Variants in KCNN3 observed in about 807,000 individuals in gnomAD.
The protein encoded by KCNN3 is potassium calcium-activated channel subfamily N member 3.
A neutral mutation model predicts 62.9 loss-of-function variants in KCNN3; 16 were observed. That is an observed-to-expected ratio of 0.25 (90% confidence interval 0.17 to 0.39). The LOEUF (loss-of-function observed/expected upper bound fraction) is 0.39. Ranked by LOEUF, KCNN3 falls within the 10% of genes least tolerant of loss-of-function variation. The pLI is 1.00. For synonymous variants in KCNN3, 370 were observed against 389.2 expected, an observed-to-expected ratio of 0.95 and a Z score of 0.58; for missense variants, 599 against 949.4, an observed-to-expected ratio of 0.63 and a Z score of 4.85.
chr1:154,793,446 A>G (rs78740479), intron 2 of KCNN3, among the ~76,000 whole-genome samples: 8,981 of 152,282 alleles, frequency 0.059, 306 homozygotes, highest in Non-Finnish European at 0.08. Context: ...GCAGACCCCA[A>G]TGCAGCCTAG....
intron 3 of KCNN3, among the ~76,000 whole-genome samples, chr1:154,761,835 G>A (rs1286771013): frequency 2.0e-5 from 3 of 152,044 alleles, no homozygotes; most frequent in Admixed American, 2.0e-4. Flanking sequence ...AGCTACTCGG[G>A]AGGCTGAGGC....
At chr1:154,802,601 A>G (rs1375034789) in intron 2 of KCNN3, among the ~76,000 whole-genome samples, 1 of 152,230 alleles carries the variant, frequency 6.6e-6, no homozygotes, top group Non-Finnish European at 1.5e-5. Context: ...TGACCTACTC[A>G]GTCATGGTTT....
intron 5 of KCNN3, among the ~76,000 whole-genome samples, chr1:154,725,173 AT>A (rs951290989): frequency 1.7e-3 from 263 of 152,076 alleles, no homozygotes; most frequent in African/African-American, 5.3e-3. Flanking sequence ...TCTTTAAATG[AT>A]TTTTTTTAAA....
chr1:154,869,121 G>T lies in KCNN3; in HGVS notation c.844C>A (p.Arg282=). The stretch of plus-strand genomic sequence containing the variant: ...AAAATCAGAGCATAGTCACTCAGTC[G>T]CTTTCTCTTTTCAAACAGGGCCCTC... The part of the protein sequence containing the change: ...HRRALFEKRK[R]LSDYALIFGM... The change falls in exon 1 of 8, where the codon CGA becomes AGA. Residue 282 remains arginine (R), a synonymous_variant. Coordinates refer to ENST00000271915, the MANE Select transcript of KCNN3 (RefSeq NM_002249.6). The surrounding 1 kb of genome is among the most constrained non-coding windows in gnomAD (Gnocchi z 6.1). The T allele has an allele frequency of 6.2e-7, 1 of 1,614,060 alleles. No individual in the cohort carries two copies. The highest frequency in any genetic ancestry group is 8.5e-7 in the Non-Finnish European group (1 of 1,179,980).
intron 3 of KCNN3, among the ~76,000 whole-genome samples, chr1:154,735,212 A>C (rs1385111484): frequency 1.3e-5 from 2 of 152,164 alleles, no homozygotes; most frequent in African/African-American, 4.8e-5. Flanking sequence ...ACAGGTGTGC[A>C]AAGCTGGGAC....
intron 2 of KCNN3, among the ~76,000 whole-genome samples, chr1:154,785,121 CA>C (rs1029731960): frequency 2.2e-4 from 33 of 152,292 alleles, no homozygotes; most frequent in African/African-American, 7.9e-4. Context: ...ATCGTTTTCT[CA>C]ACAGGAAGTT....
Position 154,810,809 on chromosome 1 carries a change from C to G in KCNN3, c.1029+11280G>C, listed in dbSNP as rs145569122. The stretch of plus-strand genomic sequence containing the variant: ...ACTCAGCCCACCTTCTAGGCTGCTT[C>G]TAGCCATTGTAGGAACCAGGGGTAG... On this transcript the variant is annotated intron_variant, in intron 2 of 7. Coordinates refer to ENST00000271915, the MANE Select transcript of KCNN3 (RefSeq NM_002249.6). Among the ~76,000 whole-genome samples, 1,118 of 152,338 alleles carry G rather than the reference C, an allele frequency of 7.3e-3. 16 individuals are homozygous for G. The highest frequency in any genetic ancestry group is 0.025 in the African/African-American group (1,058 of 41,574).
chr1:154,771,473 A>G (rs1263919319), intron 3 of KCNN3, among the ~76,000 whole-genome samples: 2 of 152,246 alleles, frequency 1.3e-5, no homozygotes, highest in Non-Finnish European at 2.9e-5. Flanking sequence ...ACAAGTTCCC[A>G]GTGATGCCAG....
intron 1 of KCNN3, among the ~76,000 whole-genome samples, chr1:154,861,388 G>T (rs1001365051): frequency 6.6e-6 from 1 of 152,002 alleles, no homozygotes; most frequent in Non-Finnish European, 1.5e-5. Flanking sequence ...CTGTGCCCTC[G>T]CCCTGGGCCT....
intron 3 of KCNN3, among the ~76,000 whole-genome samples, chr1:154,753,494 G>A (rs1043493000): frequency 6.6e-6 from 1 of 152,120 alleles, no homozygotes; most frequent in African/African-American, 2.4e-5. Flanking sequence ...TTCTCCTTTT[G>A]TCTCAACACA....
At chr1:154,859,924 G>T (rs569899195) in intron 1 of KCNN3, 2 of 1,139,764 alleles carry the variant, frequency 1.8e-6, no homozygotes, top group African/African-American at 1.5e-5. Flanking sequence ...ATGCCAATTT[G>T]CATATTATTT....
At chr1:154,773,188 G>T (rs944649235) in intron 2 of KCNN3, among the ~76,000 whole-genome samples, 3 of 151,918 alleles carry the variant, frequency 2.0e-5, no homozygotes, top group Non-Finnish European at 4.4e-5. Flanking sequence ...AGTGTCTGTC[G>T]TTCCCCTCTT....
intron 5 of KCNN3, among the ~76,000 whole-genome samples, chr1:154,722,306 A>G (rs769579436): frequency 5.3e-5 from 8 of 152,124 alleles, no homozygotes; most frequent in Non-Finnish European, 1.0e-4. Context: ...AGAGGTTGCA[A>G]TTATGCCACA....
chr1:154,811,141 C>T (rs1407604588), intron 2 of KCNN3, among the ~76,000 whole-genome samples: 1 of 152,172 alleles, frequency 6.6e-6, no homozygotes, highest in Non-Finnish European at 1.5e-5. Context: ...AACCACTTCC[C>T]CAATCGAAAC....
chr1:154,739,669 G>A (rs533256460), intron 3 of KCNN3, among the ~76,000 whole-genome samples: 1 of 152,326 alleles, frequency 6.6e-6, no homozygotes, highest in East Asian at 1.9e-4. Flanking sequence ...CATAGAGTAT[G>A]GCAGAAGTGA....
chr1:154,744,258 G>A (rs560589021), intron 3 of KCNN3, among the ~76,000 whole-genome samples: 92 of 152,136 alleles, frequency 6.0e-4, no homozygotes, highest in African/African-American at 2.1e-3. Context: ...GCTCCACTTC[G>A]TCTTTCTCAC....
At chr1:154,727,502 A>G (rs945614010) in intron 4 of KCNN3, among the ~76,000 whole-genome samples, 1 of 152,160 alleles carries the variant, frequency 6.6e-6, no homozygotes, top group Non-Finnish European at 1.5e-5. Flanking sequence ...TGAAGTTTCA[A>G]TGTGGTTGAA....
At chr1:154,834,898 G>A (rs912678410) in intron 1 of KCNN3, among the ~76,000 whole-genome samples, 2 of 152,112 alleles carry the variant, frequency 1.3e-5, no homozygotes, top group African/African-American at 4.8e-5. Flanking sequence ...AGCTCTTCAC[G>A]GAGGAGGTCG....
At chr1:154,777,564 C>T (rs1648842661) in intron 2 of KCNN3, among the ~76,000 whole-genome samples, 1 of 152,214 alleles carries the variant, frequency 6.6e-6, no homozygotes, top group Admixed American at 6.5e-5. Context: ...CTGGAATAAA[C>T]TGTCCCAGGT....
Sources: allele counts gnomAD v4.1 joint callset (sites outside exome capture counted in the v4.1 genomes callset), GRCh38; gene constraint gnomAD v4.1.1; non-coding constraint Gnocchi (gnomAD v3.1); transcripts MANE v1.5; gene names NCBI Gene and HGNC (gene_info 2026-07-23, HGNC 2026-07-21).